Variants in TAFA1 observed in about 807,000 individuals in gnomAD.
TAFA1 encodes the protein chemokine-like protein TAFA-1.
TAFA1 carries 4 observed loss-of-function variants against 18.5 expected under a neutral mutation model. The ratio of observed to expected loss-of-function variants is 0.22; its 90% confidence interval spans 0.11 to 0.49. TAFA1 has a LOEUF of 0.49. TAFA1 is among the 20% of genes least tolerant of loss of function. The pLI, the probability that TAFA1 is intolerant of heterozygous loss-of-function variation, is 0.98. For synonymous variants in TAFA1, 56 were observed against 55.2 expected (o/e 1.01, Z -0.06); for missense variants, 147 against 169.0 (o/e 0.87, Z 0.72).
intron 2 of TAFA1, among the ~76,000 whole-genome samples, chr3:68,006,994 A>G (rs1704369974): frequency 6.6e-6 from 1 of 152,180 alleles, no homozygotes; most frequent in African/African-American, 2.4e-5. Flanking sequence ...ACACCTTGAA[A>G]AGTAGAAGTC....
Position 68,213,493 on chromosome 3 carries a change from G to A in TAFA1, c.119-203787G>A, listed in dbSNP as rs117292167. 1.4e-4 allele frequency among the ~76,000 whole-genome samples: 21 copies of A among 152,186 alleles called. No homozygotes were observed. The East Asian group carries it at 3.9e-3, about 28-fold the overall frequency. On this transcript the variant is annotated intron_variant, in intron 2 of 4. Transcript: ENST00000478136. ...TAATATCCCAGGAGGAAATCAGAGT[G>A]CTATTACCAAAAGTGATACCTTCCC...
At chr3:68,333,531 C>T (rs922239066) in intron 2 of TAFA1, among the ~76,000 whole-genome samples, 5 of 152,092 alleles carry the variant, frequency 3.3e-5, no homozygotes, top group Admixed American at 1.3e-4. Flanking sequence ...ATGCTTACTA[C>T]CTGGGTGATG....
At chr3:68,168,877 C>T (rs1455679190) in intron 2 of TAFA1, among the ~76,000 whole-genome samples, 1 of 152,186 alleles carries the variant, frequency 6.6e-6, no homozygotes, top group Non-Finnish European at 1.5e-5. Context: ...GCAATTTCTA[C>T]CTTCTCTGAA....
chr3:68,393,102 T>A (rs939760036), intron 2 of TAFA1, among the ~76,000 whole-genome samples: 1 of 151,516 alleles, frequency 6.6e-6, no homozygotes, highest in African/African-American at 2.4e-5. Flanking sequence ...AATAGACCAC[T>A]AGCCAGACTA....
chr3:68,173,562 C>G (rs560624950), intron 2 of TAFA1, among the ~76,000 whole-genome samples: 1 of 151,980 alleles, frequency 6.6e-6, no homozygotes, highest in Non-Finnish European at 1.5e-5. Context: ...TATGAAGGGC[C>G]TATTTTAAAA....
intron 3 of TAFA1, among the ~76,000 whole-genome samples, chr3:68,443,967 T>G (rs982289428): frequency 6.6e-6 from 1 of 152,190 alleles, no homozygotes; most frequent in African/African-American, 2.4e-5. Flanking sequence ...AAAGAAGCAG[T>G]GATCACCATT....
chr3:68,065,740 GTATATATATATATATA>G (rs60396289), intron 2 of TAFA1, among the ~76,000 whole-genome samples: 1 of 133,420 alleles, frequency 7.5e-6, no homozygotes. Flanking sequence ...GTGTGTGTGT[GTATATATATATATATA>G]TATATATATA....
chr3:68,162,755 C>A (rs1031949049), intron 2 of TAFA1, among the ~76,000 whole-genome samples: 1 of 152,180 alleles, frequency 6.6e-6, no homozygotes, highest in East Asian at 1.9e-4. Context: ...TAAGCCCAGA[C>A]AAGAGGCAGA....
chr3:68,487,713 C>G lies in TAFA1; in HGVS notation c.260-51043C>G, dbSNP rs542904816. On this transcript the variant is annotated intron_variant, in intron 3 of 4. Transcript: ENST00000478136. ...CTTGCAGTGAGCCGAGATCGCGCCA[C>G]TGCACTCCAGCCTGGGGGACAGAGC... 9.0e-5 allele frequency among the ~76,000 whole-genome samples: 13 copies of G among 144,592 alleles called. No individual in the cohort carries two copies. The South Asian group carries it at 2.8e-3, about 32-fold the overall frequency. 94.9% of individuals were successfully genotyped at this position (144,592 alleles called of 152,430 possible). A position where few individuals can be genotyped will look rare whatever the true frequency, so the allele number is the denominator to read the frequency against.
At chr3:68,300,582 G>A (rs918024771) in intron 2 of TAFA1, among the ~76,000 whole-genome samples, 1 of 152,090 alleles carries the variant, frequency 6.6e-6, no homozygotes, top group Admixed American at 6.6e-5. Flanking sequence ...AGGAAGGCAT[G>A]ATTGGTTTTG....
At chr3:68,257,735 T>A (rs2067327315) in intron 2 of TAFA1, among the ~76,000 whole-genome samples, 1 of 152,142 alleles carries the variant, frequency 6.6e-6, no homozygotes, top group Non-Finnish European at 1.5e-5. Flanking sequence ...CTAGACTCAG[T>A]AACTTGCTTC....
At chr3:68,438,926 A>G (rs528871801) in intron 3 of TAFA1, among the ~76,000 whole-genome samples, 2 of 152,212 alleles carry the variant, frequency 1.3e-5, no homozygotes, top group African/African-American at 4.8e-5. Flanking sequence ...CTGAGCAGCA[A>G]GCCCATGTAG....
intron 2 of TAFA1, among the ~76,000 whole-genome samples, chr3:68,041,395 A>G (rs542210059): frequency 9.8e-5 from 15 of 152,350 alleles, no homozygotes; most frequent in African/African-American, 3.4e-4. Flanking sequence ...TTTGAGTTGC[A>G]ATGGCAACAT....
At chr3:68,415,443 G>C (rs533167852) in intron 2 of TAFA1, among the ~76,000 whole-genome samples, 15 of 152,194 alleles carry the variant, frequency 9.9e-5, no homozygotes, top group Non-Finnish European at 2.1e-4. Context: ...TGACCTTTGA[G>C]TTGAGCTCTA....
At chr3:68,487,786 T>G (rs2072373787) in intron 3 of TAFA1, among the ~76,000 whole-genome samples, 6 of 126,492 alleles carry the variant, frequency 4.7e-5, no homozygotes, top group Admixed American at 8.3e-5. Context: ...GAGTGGTGAG[T>G]GTTAAACTGT....
chr3:68,377,558 T>G lies in TAFA1; in HGVS notation c.119-39722T>G, dbSNP rs1348301979. On this transcript the variant is annotated intron_variant, in intron 2 of 4. Transcript: ENST00000478136. Reference sequence around the variant, plus strand: ...GAAAATTTGCAGCCTGATGATGCAATAGAAAAGAAAATCCCATTTTCTTGG... The same window carrying G: ...GAAAATTTGCAGCCTGATGATGCAAGAGAAAAGAAAATCCCATTTTCTTGG... 2.6e-5 allele frequency among the ~76,000 whole-genome samples: 4 copies of G among 152,122 alleles called. No individual in the cohort carries two copies. The East Asian group carries it at 7.7e-4, about 29-fold the overall frequency.
intron 2 of TAFA1, among the ~76,000 whole-genome samples, chr3:68,372,250 T>C (rs904614984): frequency 6.6e-6 from 1 of 152,196 alleles, no homozygotes; most frequent in African/African-American, 2.4e-5. Context: ...ACTATTTTTG[T>C]GGTCTGGCCA....
chr3:68,449,975 T>G (rs1000189327), intron 3 of TAFA1, among the ~76,000 whole-genome samples: 2 of 152,152 alleles, frequency 1.3e-5, no homozygotes, highest in African/African-American at 2.4e-5. Flanking sequence ...TGCAGCCCCT[T>G]TTGCCAGGCA....
intron 2 of TAFA1, among the ~76,000 whole-genome samples, chr3:68,331,810 A>G (rs1459425258): frequency 6.6e-6 from 1 of 151,774 alleles, no homozygotes; most frequent in Non-Finnish European, 1.5e-5. Flanking sequence ...AATTGTCAAT[A>G]AAGGCACCAA....
Sources: allele counts gnomAD v4.1 joint callset (sites outside exome capture counted in the v4.1 genomes callset), GRCh38; gene constraint gnomAD v4.1.1; transcripts MANE v1.5; gene names NCBI Gene and HGNC (gene_info 2026-07-23, HGNC 2026-07-21).